The following NCOA2 variants were observed in gnomAD, a reference collection of about 807,000 sequenced individuals.
NCOA2 encodes nuclear receptor coactivator 2.
Under a neutral mutation model 145.1 loss-of-function variants are expected in NCOA2, and 21 were observed. The observed-to-expected ratio is 0.14, with a 90% confidence interval of 0.10 to 0.21. The LOEUF (loss-of-function observed/expected upper bound fraction) is 0.21, where lower values mean the gene tolerates loss of function less well. Ranked by LOEUF, NCOA2 falls within the 10% of genes least tolerant of loss-of-function variation. The probability of loss-of-function intolerance (pLI) is 1.00; values close to 1 mark genes in which losing one functional copy is unlikely to be tolerated. For missense variants in NCOA2, 1,472 were observed against 1,837.6 expected (o/e 0.80, Z 3.64); for synonymous variants, 619 against 637.5 (o/e 0.97, Z 0.44).
At chr8:70,344,279 C>T (rs1808400889) in intron 1 of NCOA2, among the ~76,000 whole-genome samples, 1 of 152,252 alleles carries the variant, frequency 6.6e-6, no homozygotes, top group South Asian at 2.1e-4. Flanking sequence ...GGCTGAAGAC[C>T]AGATGGGGAC....
intron 19 of NCOA2, among the ~76,000 whole-genome samples, chr8:70,126,080 C>G (rs1230901812): frequency 1.3e-5 from 2 of 152,186 alleles, no homozygotes; most frequent in African/African-American, 4.8e-5. Context: ...ATTTCGGCAA[C>G]AGACTTCACA....
intron 2 of NCOA2, among the ~76,000 whole-genome samples, chr8:70,245,955 A>C (rs1822581985): frequency 6.6e-6 from 1 of 152,154 alleles, no homozygotes; most frequent in South Asian, 2.1e-4. Flanking sequence ...ATACTTTTTA[A>C]CATCAAAATG....
chr8:70,127,525 A>C (rs772246387), intron 18 of NCOA2, among the ~76,000 whole-genome samples: 12 of 152,282 alleles, frequency 7.9e-5, no homozygotes, highest in African/African-American at 2.6e-4. Context: ...AGAGTGCCTG[A>C]TAAGAACGCA....
intron 1 of NCOA2, among the ~76,000 whole-genome samples, chr8:70,376,920 C>T (rs1811722852): frequency 6.6e-6 from 1 of 152,188 alleles, no homozygotes; most frequent in Non-Finnish European, 1.5e-5. Flanking sequence ...CTCCGCTGGC[C>T]TGTACTTGAC....
intron 4 of NCOA2, among the ~76,000 whole-genome samples, chr8:70,203,698 G>A (rs1021193445): frequency 6.6e-6 from 1 of 152,106 alleles, no homozygotes; most frequent in Non-Finnish European, 1.5e-5. Flanking sequence ...TTATTTCTAT[G>A]TTTAAACTCT....
At chr8:70,147,143 T>A (rs1811184139) in intron 12 of NCOA2, among the ~76,000 whole-genome samples, 1 of 151,604 alleles carries the variant, frequency 6.6e-6, no homozygotes, top group African/African-American at 2.4e-5. Context: ...TGTGTGTGTG[T>A]GTGTTCTGAG....
At chr8:70,288,828 A>G (rs1235548716) in intron 2 of NCOA2, among the ~76,000 whole-genome samples, 1 of 152,220 alleles carries the variant, frequency 6.6e-6, no homozygotes, top group South Asian at 2.1e-4. Flanking sequence ...CAAATAGTTT[A>G]TGTGTCAGAC....
At chr8:70,311,296 G>A (rs1444866809) in intron 1 of NCOA2, among the ~76,000 whole-genome samples, 1 of 152,106 alleles carries the variant, frequency 6.6e-6, no homozygotes, top group African/African-American at 2.4e-5. Flanking sequence ...GGTAACAAGT[G>A]CTATGTGCTC....
chr8:70,235,202 T>C (rs191576371), intron 2 of NCOA2, among the ~76,000 whole-genome samples: 1 of 152,244 alleles, frequency 6.6e-6, no homozygotes, highest in African/African-American at 2.4e-5. Context: ...ATACCCTAAA[T>C]GAAAGAATGA....
chr8:70,307,772 T>A (rs1828007160), intron 1 of NCOA2, among the ~76,000 whole-genome samples: 1 of 152,252 alleles, frequency 6.6e-6, no homozygotes, highest in African/African-American at 2.4e-5. Flanking sequence ...GCTCAGCAGA[T>A]TATACACAGC....
intron 13 of NCOA2, among the ~76,000 whole-genome samples, chr8:70,143,019 G>A (rs973378567): frequency 4.0e-5 from 6 of 149,840 alleles, no homozygotes; most frequent in African/African-American, 4.9e-5. Flanking sequence ...GTATGATCTC[G>A]GCTCACTACA....
chr8:70,332,979 C>CT (rs1357721055), intron 1 of NCOA2, among the ~76,000 whole-genome samples: 1 of 152,168 alleles, frequency 6.6e-6, no homozygotes, highest in Non-Finnish European at 1.5e-5. Context: ...AATATGATTA[C>CT]TTTCATTTTA....
intron 15 of NCOA2, among the ~76,000 whole-genome samples, chr8:70,134,563 C>T (rs1398027647): frequency 2.6e-5 from 4 of 152,184 alleles, no homozygotes; most frequent in Non-Finnish European, 4.4e-5. Context: ...CTAATGCGTG[C>T]AGGCTGTACA....
chr8:70,308,051 G>T (rs1244049136), intron 1 of NCOA2, among the ~76,000 whole-genome samples: 1 of 151,986 alleles, frequency 6.6e-6, no homozygotes, highest in Non-Finnish European at 1.5e-5. Flanking sequence ...TACATGTTTT[G>T]TTTACCAAAA....
At chr8:70,116,716 C>T (rs1412309579) in intron 22 of NCOA2, among the ~76,000 whole-genome samples, 2 of 152,136 alleles carry the variant, frequency 1.3e-5, no homozygotes, top group African/African-American at 4.8e-5. Flanking sequence ...ATATCCTATA[C>T]AGATTATTCT....
At chr8:70,444,373 C>G in the NCOA2 span, among the ~76,000 whole-genome samples, 1 of 152,100 alleles carries the variant, frequency 6.6e-6, no homozygotes, top group African/African-American at 2.4e-5. Context: ...GTGGCTGTGG[C>G]TATAAAAGGG....
chr8:70,367,804 A>G (rs888084545), intron 1 of NCOA2, among the ~76,000 whole-genome samples: 4 of 152,228 alleles, frequency 2.6e-5, no homozygotes, highest in Admixed American at 2.0e-4. Context: ...CCATACCATG[A>G]TTTCAAGATA....
chr8:70,380,468 C>G (rs1369566459), intron 1 of NCOA2, among the ~76,000 whole-genome samples: 1 of 152,124 alleles, frequency 6.6e-6, no homozygotes, highest in Non-Finnish European at 1.5e-5. Flanking sequence ...CCCAAGAATT[C>G]CACTTTCTAC....
At chr8:70,122,236 T>C (rs1477687764) in intron 21 of NCOA2, among the ~76,000 whole-genome samples, 1 of 152,138 alleles carries the variant, frequency 6.6e-6, no homozygotes, top group African/African-American at 2.4e-5. Context: ...AAAGCATAGA[T>C]ATCTCTCTAT....
Sources: allele counts gnomAD v4.1 joint callset (sites outside exome capture counted in the v4.1 genomes callset), GRCh38; gene constraint gnomAD v4.1.1; transcripts MANE v1.5; gene names NCBI Gene and HGNC (gene_info 2026-07-23, HGNC 2026-07-21).